The following PHTF2 variants were observed in gnomAD, a reference collection of about 807,000 sequenced individuals.
PHTF2 encodes protein PHTF2.
PHTF2 carries 60 observed loss-of-function variants against 101.2 expected under a neutral mutation model. That is an observed-to-expected ratio of 0.59 (90% CI 0.48 to 0.73). The LOEUF (loss-of-function observed/expected upper bound fraction) is 0.73, where lower values mean the gene tolerates loss of function less well. Among genes scored for constraint, PHTF2 ranks in the 30% least tolerant of loss-of-function variants. PHTF2 has a pLI of 0.00. For synonymous variants in PHTF2, 311 were observed against 307.3 expected, an observed-to-expected ratio of 1.01 and a Z score of -0.13; for missense variants, 747 against 908.7, an observed-to-expected ratio of 0.82 and a Z score of 2.29.
chr7:77,837,662 T>C (rs1434959962), intron 1 of PHTF2, among the ~76,000 whole-genome samples: 1 of 152,204 alleles, frequency 6.6e-6, no homozygotes, highest in Non-Finnish European at 1.5e-5. Context: ...TTTAGAACAC[T>C]TTATATAACT....
At chr7:77,952,261 TAAAAG>T in intron 18 of PHTF2, among the ~76,000 whole-genome samples, 1 of 152,284 alleles carries the variant, frequency 6.6e-6, no homozygotes, top group South Asian at 2.1e-4. Context: ...TTTTAGTTCT[TAAAAG>T]GAAAATATTT....
At chr7:77,823,750 A>G (rs1356288184) in intron 1 of PHTF2, among the ~76,000 whole-genome samples, 2 of 152,208 alleles carry the variant, frequency 1.3e-5, no homozygotes, top group Non-Finnish European at 2.9e-5. Context: ...GCTAGAATGT[A>G]TGGATGGGAG....
At chr7:77,804,320 G>GT (rs1003067141) in intron 1 of PHTF2, among the ~76,000 whole-genome samples, 4 of 151,806 alleles carry the variant, frequency 2.6e-5, no homozygotes, top group African/African-American at 9.7e-5. Context: ...TTAATGAGGG[G>GT]TTTTTTGTTT....
chr7:77,809,367 C>T (rs1050405276), intron 1 of PHTF2, among the ~76,000 whole-genome samples: 2 of 151,768 alleles, frequency 1.3e-5, no homozygotes, highest in Non-Finnish European at 2.9e-5. Context: ...GCTGGGATTA[C>T]AGGAACCTGC....
intron 3 of PHTF2, among the ~76,000 whole-genome samples, chr7:77,891,581 T>G (rs11427768): frequency 0.27 from 40,478 of 151,624 alleles, 6,496 homozygotes; most frequent in East Asian, 0.68. Context: ...ATGGTTTTTT[T>G]TTGTTGTTGT....
chr7:77,953,403 T>C (rs1806722724), intron 18 of PHTF2, among the ~76,000 whole-genome samples: 2 of 152,230 alleles, frequency 1.3e-5, no homozygotes, highest in African/African-American at 4.8e-5. Flanking sequence ...CATGTTATAA[T>C]CTTGTCAGAA....
intron 1 of PHTF2, among the ~76,000 whole-genome samples, chr7:77,832,820 A>T (rs535922257): frequency 1.3e-5 from 2 of 152,118 alleles, no homozygotes; most frequent in East Asian, 3.9e-4. Flanking sequence ...TTATAATGTA[A>T]TAATAATAGA....
intron 5 of PHTF2, 113 bp downstream of exon 4, chr7:77,894,106 C>T (rs2150802872): frequency 1.2e-6 from 1 of 858,154 alleles, no homozygotes; most frequent in Non-Finnish European, 2.0e-6. Flanking sequence ...CGAAAAGAGT[C>T]ACTGAAAAGT....
At chr7:77,942,817 C>G in intron 16 of PHTF2, 31 bp downstream of exon 15, 1 of 977,996 alleles carries the variant, frequency 1.0e-6, no homozygotes, top group Non-Finnish European at 1.6e-6. Flanking sequence ...TAGAAATTAA[C>G]CAGATATATA....
exon 14 of PHTF2, chr7:77,940,038 C>T: frequency 1.2e-6 from 2 of 1,611,820 alleles, no homozygotes; most frequent in South Asian, 2.2e-5. Flanking sequence ...AGGTGAACAG[C>T]CATATACCAG....
intron 1 of PHTF2, 74 bp from the exon 2 acceptor site, chr7:77,840,147 T>A: frequency 1.3e-6 from 1 of 760,706 alleles, no homozygotes; most frequent in Non-Finnish European, 2.4e-6. Flanking sequence ...CAGAGTGCTA[T>A]GTCTGCATGC....
intron 1 of PHTF2, among the ~76,000 whole-genome samples, chr7:77,819,540 G>A (rs1794110608): frequency 6.6e-6 from 1 of 152,132 alleles, no homozygotes. Context: ...GATGTTTATT[G>A]ATTTGTATTT....
intron 3 of PHTF2, among the ~76,000 whole-genome samples, chr7:77,866,597 T>A (rs1220457717): frequency 6.6e-6 from 1 of 152,068 alleles, no homozygotes; most frequent in Non-Finnish European, 1.5e-5. Flanking sequence ...AAAGCCTCAA[T>A]TGTCTCGTCA....
At chr7:77,901,835 A>G (rs764695222) in exon 7 of PHTF2, 100 of 1,597,354 alleles carry the variant, frequency 6.3e-5, no homozygotes, top group Non-Finnish European at 8.0e-5. Context: ...TTCGAGTTGT[A>G]TTTTTCCCCT....
At chr7:77,919,429 A>G (rs1027708459) in intron 9 of PHTF2, among the ~76,000 whole-genome samples, 4 of 152,190 alleles carry the variant, frequency 2.6e-5, no homozygotes, top group African/African-American at 9.7e-5. Context: ...TTGCTTTAAA[A>G]ATGTTTTATG....
chr7:77,816,335 A>G (rs1472308437), intron 1 of PHTF2, among the ~76,000 whole-genome samples: 1 of 152,154 alleles, frequency 6.6e-6, no homozygotes, highest in Non-Finnish European at 1.5e-5. Flanking sequence ...TCGGCCTCCC[A>G]AAGTGCTGGG....
rs528342266 is a variant in PHTF2 at position 77,831,907 on chromosome 7, C to CT, written c.-35-8313dup. On this transcript the variant is annotated intron_variant, in intron 1 of 19. Coordinates refer to ENST00000416283, the Ensembl canonical transcript of PHTF2. The stretch of plus-strand genomic sequence containing the variant: ...TAAAGTACGTGCCCTTAGTTTATGT[C>CT]TGTCTGTGCAGCTCTGTGAGGAAAT... Among the ~76,000 whole-genome samples, 45 of 152,262 alleles carry CT rather than the reference C, an allele frequency of 3.0e-4. No homozygotes were observed. In the East Asian group the frequency reaches 7.9e-3, roughly 27 times the overall value.
intron 3 of PHTF2, among the ~76,000 whole-genome samples, chr7:77,891,802 T>C (rs1800441094): frequency 6.6e-6 from 1 of 151,932 alleles, no homozygotes; most frequent in Admixed American, 6.6e-5. Context: ...CCAAGATTGG[T>C]ACCAAACTCC....
chr7:77,923,834 G>A (rs1380367583), intron 11 of PHTF2: 1 of 985,054 alleles, frequency 1.0e-6, no homozygotes, highest in Non-Finnish European at 1.2e-6. Flanking sequence ...CCATGATCTT[G>A]GCTTTTGTTG....
Sources: gnomAD v4.1 joint callset for allele counts (sites outside exome capture counted in the v4.1 genomes callset) on GRCh38, gnomAD v4.1.1 for gene constraint, MANE v1.5 for transcripts, NCBI Gene and HGNC (gene_info 2026-07-23, HGNC 2026-07-21) for gene names.